GSG1L: variants seen among roughly 807,000 people sequenced by gnomAD.
GSG1L encodes the protein germ cell-specific gene 1-like protein.
GSG1L carries 24 observed loss-of-function variants against 42.1 expected under a neutral mutation model. The ratio of observed to expected loss-of-function variants is 0.57; its 90% CI spans 0.41 to 0.80. The LOEUF (loss-of-function observed/expected upper bound fraction) is 0.80. Among genes scored for constraint, GSG1L ranks in the 30% least tolerant of loss-of-function variants. GSG1L has a pLI of 0.00. For synonymous variants in GSG1L, 215 were observed against 203.5 expected (o/e 1.06, Z -0.48); for missense variants, 445 against 472.2 (o/e 0.94, Z 0.53).
chr16:27,941,818 C>A (rs1008536817), intron 2 of GSG1L, among the ~76,000 whole-genome samples: 3 of 152,110 alleles, frequency 2.0e-5, no homozygotes, highest in African/African-American at 7.2e-5. Context: ...AGAAATGAAC[C>A]TTGAAGACAT....
chr16:27,792,822 G>C (rs992183807), intron 6 of GSG1L, among the ~76,000 whole-genome samples: 2 of 152,214 alleles, frequency 1.3e-5, no homozygotes, highest in African/African-American at 2.4e-5. Flanking sequence ...GGGAGTGAAG[G>C]GGGGAAGGAA....
chr16:27,855,424 A>G (rs1367733275), intron 3 of GSG1L, among the ~76,000 whole-genome samples: 3 of 152,162 alleles, frequency 2.0e-5, no homozygotes, highest in African/African-American at 4.8e-5. Flanking sequence ...AGGGCTGCAG[A>G]AAAAGACCAA....
chr16:27,831,027 T>C (rs1425313382), intron 4 of GSG1L, among the ~76,000 whole-genome samples: 1 of 152,262 alleles, frequency 6.6e-6, no homozygotes, highest in Admixed American at 6.5e-5. Flanking sequence ...GCTTGGCTAA[T>C]GAAAATGCTG....
rs1292078372 is a variant in GSG1L, at chr16:27,789,684, G to C, written c.*1686C>G. On this transcript the variant is annotated 3_prime_UTR_variant, in exon 7 of 7. Transcript: ENST00000447459. ...TGGATGAAAGCATAGACAATGAATG[G>C]ATAGATGATGGATGGATGGATGGAT... The C allele has an allele frequency of 1.6e-5, 2 of 128,372 alleles. No homozygotes were observed. Among genetic ancestry groups the C allele is most frequent in the Non-Finnish European group, 3.3e-5 (2 of 59,932 alleles). 8.0% of individuals were successfully genotyped at this position (128,372 alleles called of 1,614,324 possible).
chr16:27,849,521 A>G (rs1484115158), intron 3 of GSG1L, among the ~76,000 whole-genome samples: 2 of 151,912 alleles, frequency 1.3e-5, no homozygotes, highest in African/African-American at 4.8e-5. Context: ...GCTCTGAGGT[A>G]TGTTTAGTTT....
At chr16:27,874,577 A>G (rs2083863693) in intron 3 of GSG1L, among the ~76,000 whole-genome samples, 1 of 150,248 alleles carries the variant, frequency 6.7e-6, no homozygotes, top group Non-Finnish European at 1.5e-5. Context: ...CAGCCTACCA[A>G]GTATCTGGGA....
intron 5 of GSG1L, among the ~76,000 whole-genome samples, chr16:27,808,209 C>T (rs1369600979): frequency 6.6e-6 from 1 of 152,114 alleles, no homozygotes; most frequent in Non-Finnish European, 1.5e-5. Context: ...CCTTAGCTTT[C>T]CAAGTAGGTA....
intron 2 of GSG1L, among the ~76,000 whole-genome samples, chr16:27,903,003 C>T (rs145460103): frequency 6.8e-4 from 104 of 152,088 alleles, no homozygotes; most frequent in Middle Eastern, 3.4e-3. Flanking sequence ...AAAGCAGTGG[C>T]GGCCAGGCGA....
At chr16:27,839,982 T>C (rs2083361685) in intron 4 of GSG1L, among the ~76,000 whole-genome samples, 1 of 151,702 alleles carries the variant, frequency 6.6e-6, no homozygotes, top group Non-Finnish European at 1.5e-5. Flanking sequence ...TCGGGGCTTG[T>C]AAAGTGCCTC....
chr16:27,837,818 G>A (rs2083336585), intron 4 of GSG1L, among the ~76,000 whole-genome samples: 1 of 150,648 alleles, frequency 6.6e-6, no homozygotes, highest in Non-Finnish European at 1.5e-5. Context: ...CCCTTTCTTG[G>A]TCCTTTGGCT....
At chr16:27,940,846 A>T in intron 2 of GSG1L, among the ~76,000 whole-genome samples, 1 of 151,208 alleles carries the variant, frequency 6.6e-6, no homozygotes, top group Non-Finnish European at 1.5e-5. Context: ...TAAAACTTAA[A>T]GTATAATAAT....
At chr16:27,898,168 C>T (rs891077679) in intron 2 of GSG1L, among the ~76,000 whole-genome samples, 3 of 152,120 alleles carry the variant, frequency 2.0e-5, no homozygotes, top group Admixed American at 6.5e-5. Context: ...AGATATGTCA[C>T]GGTGACCTTG....
chr16:28,032,836 C>T (rs2085981530), intron 1 of GSG1L, among the ~76,000 whole-genome samples: 1 of 152,122 alleles, frequency 6.6e-6, no homozygotes, highest in African/African-American at 2.4e-5. Context: ...CCAGTTCTCT[C>T]CATCTTCCCA....
intron 4 of GSG1L, among the ~76,000 whole-genome samples, chr16:27,831,184 G>C (rs756839724): frequency 1.8e-4 from 27 of 152,306 alleles, no homozygotes; most frequent in Non-Finnish European, 2.6e-4. Context: ...ATTTGAGCCA[G>C]GAGTTGCTGG....
intron 3 of GSG1L, among the ~76,000 whole-genome samples, chr16:27,877,487 C>T (rs2083901933): frequency 6.6e-6 from 1 of 152,082 alleles, no homozygotes; most frequent in Non-Finnish European, 1.5e-5. Context: ...CAAAATTAAA[C>T]ATTTCATGGG....
chr16:27,955,202 T>A (rs573279355), intron 2 of GSG1L, among the ~76,000 whole-genome samples: 3 of 152,116 alleles, frequency 2.0e-5, no homozygotes, highest in East Asian at 1.9e-4. Flanking sequence ...CTTAAAAAAA[T>A]TAATATCATT....
chr16:27,914,118 C>G (rs994350358), intron 2 of GSG1L, among the ~76,000 whole-genome samples: 2 of 152,114 alleles, frequency 1.3e-5, no homozygotes, highest in African/African-American at 4.8e-5. Flanking sequence ...GGCTTAATAG[C>G]ATTCCATTTT....
intron 3 of GSG1L, among the ~76,000 whole-genome samples, chr16:27,847,635 A>T (rs2083458890): frequency 1.3e-5 from 2 of 152,178 alleles, no homozygotes; most frequent in Non-Finnish European, 2.9e-5. Context: ...TCTCTCACCG[A>T]ATTGTAATCC....
chr16:27,985,847 C>A (rs536720560), intron 1 of GSG1L, among the ~76,000 whole-genome samples: 2 of 152,166 alleles, frequency 1.3e-5, no homozygotes, highest in South Asian at 4.2e-4. Context: ...AAAAACATTA[C>A]CCAGTCTCAG....
Sources: gnomAD v4.1 joint callset for allele counts (sites outside exome capture counted in the v4.1 genomes callset) on GRCh38, gnomAD v4.1.1 for gene constraint, MANE v1.5 for transcripts, NCBI Gene and HGNC (gene_info 2026-07-23, HGNC 2026-07-21) for gene names.